PDE10A: variants seen among roughly 807,000 people sequenced by gnomAD.
PDE10A encodes the protein cAMP and cAMP-inhibited cGMP 3',5'-cyclic phosphodiesterase 10A.
Under a neutral mutation model 97.7 loss-of-function variants are expected in PDE10A, and 39 were observed. The observed-to-expected ratio is 0.40, with a 90% CI of 0.31 to 0.52. The LOEUF is 0.52. PDE10A is among the 20% of genes least tolerant of loss of function. The pLI, the probability that PDE10A is intolerant of heterozygous loss-of-function variation, is 0.56. For missense variants in PDE10A, 731 were observed against 1,047.8 expected (o/e 0.70, Z 4.17); for synonymous variants, 371 against 376.8 (o/e 0.98, Z 0.18).
intron 1 of PDE10A, among the ~76,000 whole-genome samples, chr6:165,796,814 C>T (rs888666673): frequency 1.3e-5 from 2 of 152,126 alleles, no homozygotes; most frequent in African/African-American, 4.8e-5. Flanking sequence ...ACACCAGCCC[C>T]AGCCCCACTT....
At position 165,619,509 on chromosome 6, in the gene PDE10A, GTAGTC is replaced by G. The variant is rs879828236; in HGVS notation, c.865+42433_865+42437del. Among the ~76,000 whole-genome samples, 1,041 of 119,698 alleles carry G rather than the reference GTAGTC, an allele frequency of 8.7e-3. 147 individuals carry two copies. The highest frequency in any genetic ancestry group is 9.9e-3 in the Non-Finnish European group (596 of 59,902). 78.5% of individuals were successfully genotyped at this position (119,698 alleles called of 152,430 possible). On this transcript the variant is annotated intron_variant, in intron 1 of 21. Transcript: ENST00000539869. ...GTAGTCTAGTGTAGTCTAGTGTAGT[GTAGTC>G]TAGTGTAGTGTAGTGTAGTCTAATG...
chr6:165,484,345 G>T (rs1441280245), intron 2 of PDE10A, among the ~76,000 whole-genome samples: 1 of 152,246 alleles, frequency 6.6e-6, no homozygotes, highest in Non-Finnish European at 1.5e-5. Flanking sequence ...AGCAGGAGGT[G>T]AGCGGCGGCA....
At chr6:165,911,590 G>A (rs1173038343) in intron 1 of PDE10A, among the ~76,000 whole-genome samples, 2 of 152,136 alleles carry the variant, frequency 1.3e-5, no homozygotes, top group Non-Finnish European at 2.9e-5. Flanking sequence ...AGAAGGATAA[G>A]CCACCGAAAA....
At chr6:165,894,290 G>A (rs1562786613) in intron 1 of PDE10A, 1 of 456,100 alleles carries the variant, frequency 2.2e-6, no homozygotes, top group Admixed American at 2.3e-5. Flanking sequence ...GAGAAGATGT[G>A]TTGATCCAAT....
chr6:165,900,355 C>T (rs1268201435), intron 1 of PDE10A, among the ~76,000 whole-genome samples: 7 of 152,118 alleles, frequency 4.6e-5, no homozygotes, highest in African/African-American at 1.7e-4. Context: ...GCCAGTAATC[C>T]CAGCTACTCC....
At chr6:165,910,038 C>T (rs888182161) in intron 1 of PDE10A, among the ~76,000 whole-genome samples, 1 of 152,128 alleles carries the variant, frequency 6.6e-6, no homozygotes, top group African/African-American at 2.4e-5. Flanking sequence ...CTTTTCTCCT[C>T]TAGAATGCAA....
chr6:165,926,666 A>C (rs1441196280), intron 1 of PDE10A, among the ~76,000 whole-genome samples: 2 of 152,182 alleles, frequency 1.3e-5, no homozygotes, highest in Non-Finnish European at 2.9e-5. Context: ...CAACCCGAGA[A>C]AAATCAGACT....
At chr6:165,536,227 A>C (rs1409523361) in intron 2 of PDE10A, among the ~76,000 whole-genome samples, 1 of 151,906 alleles carries the variant, frequency 6.6e-6, no homozygotes, top group African/African-American at 2.4e-5. Context: ...AGGACAGTCA[A>C]GTCTTCTGGT....
intron 5 of PDE10A, among the ~76,000 whole-genome samples, chr6:165,446,726 T>G (rs762879214): frequency 5.3e-5 from 8 of 152,110 alleles, no homozygotes; most frequent in African/African-American, 1.2e-4. Flanking sequence ...GGATCTGACT[T>G]GGGAAGCTCA....
chr6:165,380,645 G>T (rs1267704672), intron 17 of PDE10A, among the ~76,000 whole-genome samples: 2 of 152,136 alleles, frequency 1.3e-5, no homozygotes, highest in African/African-American at 4.8e-5. Context: ...TATTAGTTCA[G>T]AGTTCCCACA....
chr6:165,559,443 G>C (rs1233934950), intron 1 of PDE10A, among the ~76,000 whole-genome samples: 1 of 151,958 alleles, frequency 6.6e-6, no homozygotes, highest in South Asian at 2.1e-4. Flanking sequence ...CTATATTATT[G>C]GTTTAAATCA....
chr6:165,423,526 A>G (rs1443830408), intron 10 of PDE10A, among the ~76,000 whole-genome samples: 1 of 152,126 alleles, frequency 6.6e-6, no homozygotes, highest in Non-Finnish European at 1.5e-5. Context: ...GCATCAACCT[A>G]TTGAGAAGCA....
chr6:165,986,157 G>A (rs1785201509), intron 1 of PDE10A: 1 of 152,846 alleles, frequency 6.5e-6, no homozygotes, highest in Admixed American at 6.5e-5. Context: ...CCTCCTCTGG[G>A]AGCTGGGGTT....
intron 1 of PDE10A, among the ~76,000 whole-genome samples, chr6:165,726,339 A>G (rs1792293525): frequency 1.3e-5 from 2 of 152,206 alleles, no homozygotes; most frequent in Admixed American, 6.5e-5. Flanking sequence ...GAAAAAATAT[A>G]CCCAGGAAAC....
chr6:165,826,720 G>A (rs1042345048), intron 1 of PDE10A, among the ~76,000 whole-genome samples: 2 of 151,728 alleles, frequency 1.3e-5, no homozygotes, highest in Non-Finnish European at 2.9e-5. Context: ...TGGTACTCTG[G>A]TGCATCTGTC....
intron 1 of PDE10A, among the ~76,000 whole-genome samples, chr6:165,973,585 A>T (rs76532790): frequency 7.2e-5 from 10 of 138,846 alleles, no homozygotes; most frequent in Non-Finnish European, 4.7e-5. Context: ...AAAAAAAAAA[A>T]TTCTGAAGAA....
chr6:165,440,866 G>A (rs1452721619), intron 5 of PDE10A, among the ~76,000 whole-genome samples: 1 of 151,728 alleles, frequency 6.6e-6, no homozygotes, highest in East Asian at 1.9e-4. Flanking sequence ...AAGTACATAA[G>A]GTTTTCAGCT....
chr6:165,767,140 TG>T (rs1777875098), intron 1 of PDE10A, among the ~76,000 whole-genome samples: 1 of 152,208 alleles, frequency 6.6e-6, no homozygotes, highest in Admixed American at 6.5e-5. Context: ...ATCAGATTTT[TG>T]TTTTTTGCTT....
chr6:165,970,015 T>C (rs1784622464), intron 1 of PDE10A, among the ~76,000 whole-genome samples: 1 of 152,182 alleles, frequency 6.6e-6, no homozygotes, highest in Non-Finnish European at 1.5e-5. Flanking sequence ...GACCAAGTGG[T>C]CAAAGTAAAC....
Sources: gnomAD v4.1 joint callset for allele counts (sites outside exome capture counted in the v4.1 genomes callset) on GRCh38, gnomAD v4.1.1 for gene constraint, MANE v1.5 for transcripts, NCBI Gene and HGNC (gene_info 2026-07-23, HGNC 2026-07-21) for gene names.